Variants in PRKN observed in about 807,000 individuals in gnomAD.
PRKN encodes parkin RBR E3 ubiquitin protein ligase.
PRKN carries 56 observed loss-of-function variants against 59.5 expected under a neutral mutation model. The observed-to-expected ratio is 0.94, with a 90% CI of 0.76 to 1.18. The LOEUF is 1.18. Ranked by LOEUF, PRKN falls within the 50% of genes most tolerant of loss-of-function variation. The probability of loss-of-function intolerance (pLI) is 0.00; values close to 1 mark genes in which losing one functional copy is unlikely to be tolerated. For missense variants in PRKN, 657 were observed against 596.4 expected (o/e 1.10, Z -1.06); for synonymous variants, 250 against 222.1 (o/e 1.13, Z -1.12).
rs573390659 is a variant in PRKN, at chr6:161,866,756, T to C, written c.735-80848A>G. Among the ~76,000 whole-genome samples, 5 of 152,212 alleles carry C rather than the reference T, an allele frequency of 3.3e-5. No individual in the cohort carries two copies. The East Asian group carries it at 7.7e-4, about 24-fold the overall frequency. On this transcript the variant is annotated intron_variant, in intron 6 of 11. Transcript: ENST00000366898. ...CGATAGACGGCAATAAAACCAGGTG[T>C]GCCTGGACAATTTTTATAGTGATTG...
chr6:162,481,672 T>C (rs1303868840), intron 1 of PRKN, among the ~76,000 whole-genome samples: 1 of 152,208 alleles, frequency 6.6e-6, no homozygotes, highest in Non-Finnish European at 1.5e-5. Context: ...ACTAATCTAT[T>C]AGTCCTAAGC....
rs144796790 is a variant in PRKN, at chr6:161,906,659, C to CATATATAT, written c.734+66635_734+66642dup. 6.7e-3 allele frequency among the ~76,000 whole-genome samples: 783 copies of CATATATAT among 116,562 alleles called. 50 individuals are homozygous for CATATATAT. The highest frequency in any genetic ancestry group is 8.7e-3 in the Non-Finnish European group (478 of 54,954). 76.5% of individuals were successfully genotyped at this position (116,562 alleles called of 152,430 possible). A position where few individuals can be genotyped will look rare whatever the true frequency, so the allele number is the denominator to read the frequency against. ...AGAGGGACAAATCTAATAGAACATA[C>CATATATAT]ATATATATATATATATGTATATATG... On this transcript the variant is annotated intron_variant, in intron 6 of 11. Coordinates refer to ENST00000366898, the MANE Select transcript of PRKN (RefSeq NM_004562.3).
Position 161,720,004 on chromosome 6 carries a change from G to T in PRKN, c.871+65768C>A, listed in dbSNP as rs189578089. On this transcript the variant is annotated intron_variant, in intron 7 of 11. Coordinates refer to ENST00000366898, the MANE Select transcript of PRKN (RefSeq NM_004562.3). ...CGTGTAACTCCAGTTTTGCCTCCCC[G>T]TTTGCACTATGCTCCAGTTTTCCGT... is the stretch of plus-strand genomic sequence containing the variant. 2.1e-4 allele frequency among the ~76,000 whole-genome samples: 32 copies of T among 152,208 alleles called. 1 individual carries two copies. Among genetic ancestry groups the T allele is most frequent in the African/African-American group, 7.2e-4 (30 of 41,520 alleles).
In PRKN at chr6:161,959,128, C is replaced by T. The variant is rs146180815; in HGVS notation, c.734+14174G>A. Among the ~76,000 whole-genome samples, 3 of 152,274 alleles carry T rather than the reference C, an allele frequency of 2.0e-5. No individual in the cohort carries two copies. In the East Asian group the frequency reaches 5.8e-4, roughly 29 times the overall value. ...TAATACTGTCCTAAACAACTTTTCG[C>T]AGGATTCACTGGTTATTCTCCTGCC... On this transcript the variant is annotated intron_variant, in intron 6 of 11. Transcript: ENST00000366898.
At chr6:161,709,058 A>G (rs1026601243) in intron 7 of PRKN, among the ~76,000 whole-genome samples, 1 of 152,236 alleles carries the variant, frequency 6.6e-6, no homozygotes, top group African/African-American at 2.4e-5. Context: ...ACTTAACTTT[A>G]AAGAGTTAAA....
intron 9 of PRKN, among the ~76,000 whole-genome samples, chr6:161,507,572 C>G (rs1449253707): frequency 6.6e-6 from 1 of 152,254 alleles, no homozygotes; most frequent in East Asian, 1.9e-4. Flanking sequence ...TGGGGACAGC[C>G]AAGCTTTCCT....
intron 6 of PRKN, among the ~76,000 whole-genome samples, chr6:161,925,206 G>T (rs1353461993): frequency 6.6e-6 from 1 of 151,964 alleles, no homozygotes; most frequent in African/African-American, 2.4e-5. Flanking sequence ...AATTTATGAT[G>T]GGCTAATATA....
chr6:162,111,755 C>G (rs1272871126), intron 4 of PRKN, among the ~76,000 whole-genome samples: 2 of 151,916 alleles, frequency 1.3e-5, no homozygotes, highest in Middle Eastern at 3.2e-3. Flanking sequence ...AACTAAACAA[C>G]CAGAAGTTTC....
chr6:162,468,342 T>C (rs898726755), intron 1 of PRKN, among the ~76,000 whole-genome samples: 1 of 152,168 alleles, frequency 6.6e-6, no homozygotes, highest in Admixed American at 6.5e-5. Context: ...CCCAGAAAGA[T>C]CTTTGTTCAT....
intron 1 of PRKN, among the ~76,000 whole-genome samples, chr6:162,501,514 ATTTT>A (rs10596593): frequency 7.1e-6 from 1 of 141,744 alleles, no homozygotes; most frequent in African/African-American, 2.6e-5. Flanking sequence ...CGCCTGGTTA[ATTTT>A]TTTTTTTTTT....
chr6:161,642,584 A>T (rs1245950989), intron 7 of PRKN, among the ~76,000 whole-genome samples: 2 of 152,194 alleles, frequency 1.3e-5, no homozygotes, highest in Non-Finnish European at 2.9e-5. Flanking sequence ...AAAAAGACAA[A>T]AAATAAGGTG....
chr6:161,401,165 G>A lies in PRKN; in HGVS notation c.1084-14288C>T, dbSNP rs1787034316. On this transcript the variant is annotated intron_variant, in intron 9 of 11. Transcript: ENST00000366898. This position sits in a 1 kb window ranked among gnomAD's most constrained non-coding sequence, Gnocchi z 4.4. ...GGTTGGCTCAAAGACACCTGTTTTTGCATGTAAAGTATCAGGCTGGAAGGC... is the reference window on the plus strand; with the variant it reads ...GGTTGGCTCAAAGACACCTGTTTTTACATGTAAAGTATCAGGCTGGAAGGC... Among the ~76,000 whole-genome samples, 1 of 152,118 alleles carries A rather than the reference G, an allele frequency of 6.6e-6. No homozygotes were observed. The highest frequency in any genetic ancestry group is 1.5e-5 in the Non-Finnish European group (1 of 68,024).
rs115886536 is a variant in PRKN, at chr6:161,751,469, T to G, written c.871+34303A>C. 5.8e-3 allele frequency among the ~76,000 whole-genome samples: 891 copies of G among 152,374 alleles called. 9 individuals carry two copies. Among genetic ancestry groups the G allele is most frequent in the African/African-American group, 0.02 (841 of 41,596 alleles). On this transcript the variant is annotated intron_variant, in intron 7 of 11. Coordinates refer to ENST00000366898, the MANE Select transcript of PRKN (RefSeq NM_004562.3). ...AAATCTGTACTACATTACACATTTATGATTACCTGTAAATTTCACACTGAT... is the reference window on the plus strand; with the variant it reads ...AAATCTGTACTACATTACACATTTAGGATTACCTGTAAATTTCACACTGAT...
At chr6:161,512,030 A>G (rs1473685912) in intron 9 of PRKN, among the ~76,000 whole-genome samples, 2 of 152,236 alleles carry the variant, frequency 1.3e-5, no homozygotes, top group Non-Finnish European at 2.9e-5. Context: ...TTGTCACTGT[A>G]TGCAGAATCT....
chr6:161,661,369 G>A (rs2128165550), intron 7 of PRKN, among the ~76,000 whole-genome samples: 1 of 152,162 alleles, frequency 6.6e-6, no homozygotes, highest in Non-Finnish European at 1.5e-5. Context: ...CCATCTCAGG[G>A]CCTGTGTGTC....
intron 3 of PRKN, among the ~76,000 whole-genome samples, chr6:162,237,647 C>G (rs1205193845): frequency 6.6e-6 from 1 of 152,104 alleles, no homozygotes; most frequent in African/African-American, 2.4e-5. Context: ...CTTATGGCAT[C>G]CCAGTTTTAA....
At chr6:162,089,649 A>G (rs1402979894) in intron 4 of PRKN, among the ~76,000 whole-genome samples, 1 of 152,252 alleles carries the variant, frequency 6.6e-6, no homozygotes, top group Non-Finnish European at 1.5e-5. Flanking sequence ...ATGCCCATCA[A>G]TTGATGAATA....
intron 4 of PRKN, among the ~76,000 whole-genome samples, chr6:162,097,467 G>T (rs573799781): frequency 6.6e-6 from 1 of 152,176 alleles, no homozygotes; most frequent in African/African-American, 2.4e-5. Context: ...ACAGCAAGTG[G>T]TGGAGACAGG....
intron 2 of PRKN, among the ~76,000 whole-genome samples, chr6:162,421,151 A>G (rs1380678290): frequency 6.6e-6 from 1 of 152,180 alleles, no homozygotes; most frequent in African/African-American, 2.4e-5. Flanking sequence ...AATTGAGAGG[A>G]AACAGGCTTA....
Sources: allele counts gnomAD v4.1 joint callset (sites outside exome capture counted in the v4.1 genomes callset), GRCh38; gene constraint gnomAD v4.1.1; non-coding constraint Gnocchi (gnomAD v3.1); transcripts MANE v1.5; gene names NCBI Gene and HGNC (gene_info 2026-07-23, HGNC 2026-07-21).